The following CWC22 variants were observed in gnomAD, a reference collection of about 807,000 sequenced individuals.
CWC22 encodes the protein CWC22 spliceosome associated protein.
Under a neutral mutation model 117.2 loss-of-function variants are expected in CWC22, and 53 were observed. That is an observed-to-expected ratio of 0.45 (90% CI 0.36 to 0.57). The LOEUF is 0.57. CWC22 is among the 20% of genes least tolerant of loss of function. The pLI is 0.00. For missense variants in CWC22, 980 were observed against 1,068.8 expected (o/e 0.92, Z 1.16); for synonymous variants, 360 against 355.6 (o/e 1.01, Z -0.14).
At chr2:179,962,434 T>C (rs1686776639) in intron 13 of CWC22, among the ~76,000 whole-genome samples, 1 of 152,162 alleles carries the variant, frequency 6.6e-6, no homozygotes, top group Non-Finnish European at 1.5e-5. Flanking sequence ...TGTTGATATG[T>C]TAACATATTA....
intron 1 of CWC22, among the ~76,000 whole-genome samples, chr2:180,001,033 TG>T (rs976308482): frequency 1.3e-5 from 2 of 152,194 alleles, no homozygotes; most frequent in African/African-American, 4.8e-5. Flanking sequence ...GATTCCCCAA[TG>T]TGCTTCTTTT....
rs144491471 is a variant in CWC22 at position 179,999,382 on chromosome 2, C to T, written c.-113-5928G>A. On this transcript the variant is annotated intron_variant, in intron 1 of 19. Coordinates refer to ENST00000410053, the MANE Select transcript of CWC22 (RefSeq NM_020943.3). ...CTCAACAAAACCACACCTGTTCTCCCGAAGAAAGGATATTTTCCAATAGGA... is the reference window on the plus strand; with the variant it reads ...CTCAACAAAACCACACCTGTTCTCCTGAAGAAAGGATATTTTCCAATAGGA... 5.9e-3 allele frequency among the ~76,000 whole-genome samples: 894 copies of T among 151,950 alleles called. 7 individuals are homozygous for T. The highest frequency in any genetic ancestry group is 0.019 in the African/African-American group (806 of 41,438).
At chr2:179,983,976 C>T (rs532237623) in intron 4 of CWC22, among the ~76,000 whole-genome samples, 26 of 152,178 alleles carry the variant, frequency 1.7e-4, no homozygotes, top group African/African-American at 6.3e-4. Context: ...CTTTATAGTG[C>T]AGAAGTAACA....
chr2:179,960,000 TTTCTA>T lies in CWC22; in HGVS notation c.1398-923_1398-919del, dbSNP rs571957742. Among the ~76,000 whole-genome samples, 100 of 152,110 alleles carry T rather than the reference TTTCTA, an allele frequency of 6.6e-4. 1 individual carries two copies. The South Asian group carries it at 8.1e-3, about 12-fold the overall frequency. On this transcript the variant is annotated intron_variant, in intron 13 of 19. Transcript: ENST00000410053. ...AGCCATAACTAATCAGATAAAAGGGTTTCTATTCTATGTGATTTTCTTCATTTTAA... is the reference window on the plus strand; with the variant it reads ...AGCCATAACTAATCAGATAAAAGGGTTTCTATGTGATTTTCTTCATTTTAA...
chr2:179,969,642 C>A (rs1355786730), intron 11 of CWC22, among the ~76,000 whole-genome samples: 1 of 152,148 alleles, frequency 6.6e-6, no homozygotes, highest in African/African-American at 2.4e-5. Context: ...AGCTAACCAA[C>A]TCTTTACATT....
At chr2:179,958,887 G>A (rs1175472694) in intron 14 of CWC22, 135 bp downstream of exon 14, 1 of 545,106 alleles carries the variant, frequency 1.8e-6, no homozygotes, top group Non-Finnish European at 3.4e-6. Context: ...AACTTAAAAT[G>A]ATATAAAACC....
intron 1 of CWC22, among the ~76,000 whole-genome samples, chr2:180,002,909 C>T (rs1687880008): frequency 6.6e-6 from 1 of 152,142 alleles, no homozygotes; most frequent in Admixed American, 6.5e-5. Flanking sequence ...CTATGAAAGG[C>T]TCTGTATGAG....
chr2:179,957,918 T>A (rs768792950), intron 14 of CWC22, among the ~76,000 whole-genome samples: 2 of 152,142 alleles, frequency 1.3e-5, no homozygotes, highest in Non-Finnish European at 2.9e-5. Context: ...AGGGTTCTCA[T>A]ACTTTGAAAA....
intron 4 of CWC22, among the ~76,000 whole-genome samples, chr2:179,983,920 C>A (rs1316229705): frequency 1.3e-5 from 2 of 152,112 alleles, no homozygotes; most frequent in Non-Finnish European, 2.9e-5. Context: ...GGTAAGAGAG[C>A]TAGCTGGCTG....
In CWC22 at chr2:179,950,584, T is replaced by C. The variant is rs763079451; in HGVS notation, c.2068A>G (p.Ser690Gly). 25 of 1,613,120 alleles carry C rather than the reference T, an allele frequency of 1.5e-5. No homozygotes were observed. The East Asian group carries it at 2.0e-4, about 13-fold the overall frequency. The change falls in exon 19 of 20, where the codon AGT becomes GGT. Residue 690 changes from serine to glycine, a missense_variant. Ser to Gly is a moderately conservative substitution (Grantham distance 56). Transcript: ENST00000410053. ...CTGGAAGACTCTGAACTGCTATCAC[T>C]GCTGTCAGAATCAGAGTCGGATGAG... ...SDSSDSDSDS[S>G]DSSSESSSEE... is the part of the protein sequence containing the mutation.
intron 19 of CWC22, among the ~76,000 whole-genome samples, chr2:179,948,420 A>G (rs1686363366): frequency 6.6e-6 from 1 of 152,098 alleles, no homozygotes; most frequent in Non-Finnish European, 1.5e-5. Flanking sequence ...CCAAAGATGG[A>G]TGTTAAAATT....
chr2:179,953,293 C>A (rs1016152924), intron 16 of CWC22, among the ~76,000 whole-genome samples: 1 of 152,066 alleles, frequency 6.6e-6, no homozygotes, highest in Non-Finnish European at 1.5e-5. Context: ...CTATAAAAAT[C>A]TAACCAATGT....
rs934238739 is a variant in CWC22, at chr2:179,954,106, GCA to G, written c.1689+97_1689+98del. On this transcript the variant is annotated intron_variant, in intron 16 of 19. Transcript: ENST00000410053. ...GCAGTTCTACACATTTCATTTTAAA[GCA>G]CATTTCATAATAGGATAAATATGGC... The G allele has an allele frequency of 3.7e-5, 30 of 801,644 alleles. No individual in the cohort carries two copies. The African/African-American group carries it at 5.2e-4, about 14-fold the overall frequency. The allele number at this position is 801,644 out of a possible 1,614,324, so 49.7% of individuals were successfully genotyped here. A position where few individuals can be genotyped will look rare whatever the true frequency, so the allele number is the denominator to read the frequency against.
intron 1 of CWC22, among the ~76,000 whole-genome samples, chr2:179,996,293 G>A (rs1195919802): frequency 6.6e-6 from 1 of 152,096 alleles, no homozygotes; most frequent in Non-Finnish European, 1.5e-5. Context: ...TTAAAGCATG[G>A]TTTTTAAAAC....
chr2:179,960,520 A>C (rs533575525), intron 13 of CWC22, among the ~76,000 whole-genome samples: 3 of 152,044 alleles, frequency 2.0e-5, no homozygotes, highest in Non-Finnish European at 2.9e-5. Context: ...TTATTCACAA[A>C]TGTACACGTA....
intron 2 of CWC22, among the ~76,000 whole-genome samples, chr2:179,988,981 T>C (rs2105550077): frequency 6.6e-6 from 1 of 151,866 alleles, no homozygotes; most frequent in Non-Finnish European, 1.5e-5. Context: ...ATGGATAAGT[T>C]CTTTAGTGGT....
At chr2:179,968,475 C>G (rs937439390) in intron 11 of CWC22, among the ~76,000 whole-genome samples, 2 of 151,674 alleles carry the variant, frequency 1.3e-5, no homozygotes, top group African/African-American at 4.8e-5. Context: ...TTAGGCCAGA[C>G]AGTAAACTTT....
chr2:179,974,546 T>A (rs550445787), intron 6 of CWC22, among the ~76,000 whole-genome samples: 1 of 152,208 alleles, frequency 6.6e-6, no homozygotes, highest in Non-Finnish European at 1.5e-5. Context: ...GTTTTAGATA[T>A]GACAACTGAA....
intron 1 of CWC22, among the ~76,000 whole-genome samples, chr2:179,997,243 C>T (rs1012619805): frequency 3.3e-5 from 5 of 151,172 alleles, no homozygotes; most frequent in African/African-American, 7.3e-5. Flanking sequence ...CTACATCTTT[C>T]GTAAGGTGAT....
Sources: allele counts gnomAD v4.1 joint callset (sites outside exome capture counted in the v4.1 genomes callset), GRCh38; gene constraint gnomAD v4.1.1; transcripts MANE v1.5; gene names NCBI Gene and HGNC (gene_info 2026-07-23, HGNC 2026-07-21).